Variants in FHOD3 observed in about 807,000 individuals in gnomAD.
The protein encoded by FHOD3 is FH1/FH2 domain-containing protein 3.
In FHOD3, 90 loss-of-function variants were observed where a neutral mutation model predicts 173.0. That is an observed-to-expected ratio of 0.52 (90% CI 0.44 to 0.62). The LOEUF is 0.62. FHOD3 is among the 20% of genes least tolerant of loss of function. FHOD3 has a pLI of 0.00. For synonymous variants in FHOD3, 828 were observed against 823.0 expected (o/e 1.01, Z -0.10); for missense variants, 1,945 against 2,034.7 (o/e 0.96, Z 0.85).
At chr18:36,395,316 CA>C (rs34684195) in intron 3 of FHOD3, among the ~76,000 whole-genome samples, 149 of 133,668 alleles carry the variant, frequency 1.1e-3, no homozygotes, top group Admixed American at 2.3e-3. Flanking sequence ...GACTCCGTCT[CA>C]AAAAAAAAAA....
chr18:36,529,499 T>A (rs534859890), intron 5 of FHOD3, among the ~76,000 whole-genome samples: 27 of 152,250 alleles, frequency 1.8e-4, no homozygotes, highest in African/African-American at 2.6e-4. Context: ...GGATTTTTTT[T>A]TATATATATG....
At chr18:36,349,817 G>C (rs1256439789) in intron 1 of FHOD3, among the ~76,000 whole-genome samples, 1 of 152,158 alleles carries the variant, frequency 6.6e-6, no homozygotes, top group Non-Finnish European at 1.5e-5. Context: ...CTCTGTTGGA[G>C]TGCAGTGGCG....
intron 14 of FHOD3, among the ~76,000 whole-genome samples, chr18:36,674,893 A>G (rs1471106794): frequency 1.3e-5 from 2 of 152,232 alleles, no homozygotes; most frequent in East Asian, 1.9e-4. Flanking sequence ...TCTATGATGC[A>G]CACTGCTCTG....
In FHOD3 at chr18:36,423,987, A is replaced by G. The variant is rs549405104; in HGVS notation, c.337+51243A>G. Among the ~76,000 whole-genome samples the G allele has an allele frequency of 5.3e-5, 8 of 152,272 alleles. No homozygotes were observed. In the South Asian group the frequency reaches 1.0e-3, roughly 20 times the overall value. On this transcript the variant is annotated intron_variant, in intron 3 of 28. Coordinates refer to ENST00000590592, the MANE Select transcript of FHOD3 (RefSeq NM_001281740.3). Reference sequence around the variant, plus strand: ...CGTGGATTTCACATTTGCTGGTATAATTTTGTTTGCAGAAGCTCTAGGTGA... The same window carrying G: ...CGTGGATTTCACATTTGCTGGTATAGTTTTGTTTGCAGAAGCTCTAGGTGA...
chr18:36,772,430 C>A (rs2043427097), intron 28 of FHOD3, among the ~76,000 whole-genome samples: 1 of 152,174 alleles, frequency 6.6e-6, no homozygotes, highest in Non-Finnish European at 1.5e-5. Context: ...TTAATGATGG[C>A]AATGAGGCAA....
rs896369133 is a variant in FHOD3 at position 36,653,416 on chromosome 18, G to T, written c.1721G>T (p.Arg574Ile). 16 of 1,525,696 alleles carry T rather than the reference G, an allele frequency of 1.0e-5. No homozygotes were observed. The highest frequency in any genetic ancestry group is 1.4e-5 in the African/African-American group (1 of 72,594). 94.5% of individuals were successfully genotyped at this position (1,525,696 alleles called of 1,614,324 possible). The change falls in exon 13 of 29, where the codon AGA (arginine) becomes ATA (isoleucine). Residue 574 changes from arginine to isoleucine, a missense_variant and splice_region_variant. This residue lies in a region of FHOD3 where 1,099 missense variants were observed against 1,051.2 expected (regional missense o/e 1.05). Coordinates refer to ENST00000590592, the MANE Select transcript of FHOD3 (RefSeq NM_001281740.3). ...PYHFRSFSSN[R>I]YSNFGNNSYH... ...CACTTCCGATCTTTCTCTTCTAATA[G>T]GTGGGTGTCTTTATTTTCTTTCCCT...
chr18:36,516,725 C>A (rs2056003580), intron 5 of FHOD3, among the ~76,000 whole-genome samples: 1 of 152,212 alleles, frequency 6.6e-6, no homozygotes, highest in Non-Finnish European at 1.5e-5. Context: ...GCCTGATTAA[C>A]AGAGCAAGAC....
intron 1 of FHOD3, among the ~76,000 whole-genome samples, chr18:36,307,984 A>C (rs1333542197): frequency 6.6e-6 from 1 of 152,202 alleles, no homozygotes; most frequent in East Asian, 1.9e-4. Context: ...CATCATCTTT[A>C]ATGACAGTTA....
At chr18:36,508,895 A>G (rs1012692891) in intron 4 of FHOD3, among the ~76,000 whole-genome samples, 1 of 152,208 alleles carries the variant, frequency 6.6e-6, no homozygotes, top group Non-Finnish European at 1.5e-5. Flanking sequence ...GTGAGCCCCA[A>G]GAGCTGCTGA....
At chr18:36,749,049 G>T (rs2042289271) in intron 24 of FHOD3, among the ~76,000 whole-genome samples, 1 of 152,074 alleles carries the variant, frequency 6.6e-6, no homozygotes, top group Non-Finnish European at 1.5e-5. Context: ...TCATGCAAAT[G>T]AGCCTGCCTA....
At chr18:36,369,069 A>G (rs1419110771) in intron 2 of FHOD3, among the ~76,000 whole-genome samples, 1 of 152,212 alleles carries the variant, frequency 6.6e-6, no homozygotes, top group Non-Finnish European at 1.5e-5. Flanking sequence ...AATGTTAACA[A>G]CTATTATTAT....
At chr18:36,355,789 C>G in intron 2 of FHOD3, 144 bp downstream of exon 2, 1 of 689,912 alleles carries the variant, frequency 1.4e-6, no homozygotes, top group Non-Finnish European at 2.4e-6. Flanking sequence ...ATGCAAGTGA[C>G]TCATCAGTGG....
chr18:36,763,468 ATATATAATAT>A (rs2043000209), intron 27 of FHOD3, among the ~76,000 whole-genome samples: 1 of 143,652 alleles, frequency 7.0e-6, no homozygotes, highest in Non-Finnish European at 1.5e-5. Context: ...TATACACGTT[ATATATAATAT>A]TGTATTATAC....
intron 1 of FHOD3, among the ~76,000 whole-genome samples, chr18:36,321,983 C>A (rs1598706317): frequency 6.6e-6 from 1 of 151,930 alleles, no homozygotes; most frequent in Non-Finnish European, 1.5e-5. Context: ...AGAGGCAGGG[C>A]CACCTGGCTG....
chr18:36,694,583 TTATATCATTGCTA>T (rs775321294), intron 17 of FHOD3, among the ~76,000 whole-genome samples: 19 of 152,220 alleles, frequency 1.2e-4, no homozygotes, highest in Non-Finnish European at 2.2e-4. Flanking sequence ...AAACCCTGCC[TTATATCATTGCTA>T]TTATCTACGT....
intron 9 of FHOD3, among the ~76,000 whole-genome samples, chr18:36,619,028 T>C (rs537139333): frequency 9.0e-4 from 137 of 152,334 alleles, no homozygotes; most frequent in African/African-American, 3.1e-3. Flanking sequence ...GGCTCATCGC[T>C]ATCTTGACTC....
chr18:36,360,253 T>C (rs913594528), intron 2 of FHOD3, among the ~76,000 whole-genome samples: 1 of 152,166 alleles, frequency 6.6e-6, no homozygotes, highest in Non-Finnish European at 1.5e-5. Context: ...AGAACCATGA[T>C]GTTTCAGGGA....
intron 12 of FHOD3, 50 bp from the exon 13 acceptor site, chr18:36,653,292 T>A: frequency 7.2e-7 from 1 of 1,383,030 alleles, no homozygotes; most frequent in Non-Finnish European, 9.8e-7. Context: ...TCAAAGTCCT[T>A]TGCTATCTTT....
intron 10 of FHOD3, among the ~76,000 whole-genome samples, chr18:36,629,384 T>G (rs1443529724): frequency 1.3e-5 from 2 of 152,170 alleles, no homozygotes; most frequent in Non-Finnish European, 2.9e-5. Context: ...TTCTTTTGAT[T>G]TTTTTTCAAC....
Sources: allele counts gnomAD v4.1 joint callset (sites outside exome capture counted in the v4.1 genomes callset), GRCh38; gene constraint gnomAD v4.1.1; regional missense constraint gnomAD v4.1.1; transcripts MANE v1.5; gene names NCBI Gene and HGNC (gene_info 2026-07-23, HGNC 2026-07-21).